Variants in XIRP2 observed in about 807,000 individuals in gnomAD.
XIRP2 encodes the protein xin actin binding repeat containing 2.
Under a neutral mutation model 277.0 loss-of-function variants are expected in XIRP2, and 236 were observed. The observed-to-expected ratio is 0.85, with a 90% CI of 0.77 to 0.95. The LOEUF (loss-of-function observed/expected upper bound fraction) is 0.95, where lower values mean the gene tolerates loss of function less well. Ranked by LOEUF, XIRP2 falls within the 40% of genes least tolerant of loss-of-function variation. XIRP2 has a pLI of 0.00. For synonymous variants in XIRP2, 1,490 were observed against 1,416.5 expected (o/e 1.05, Z -1.17); for missense variants, 4,640 against 4,157.5 (o/e 1.12, Z -3.19).
intron 2 of XIRP2, among the ~76,000 whole-genome samples, chr2:166,921,492 C>T (rs1006947216): frequency 3.3e-5 from 5 of 152,076 alleles, no homozygotes; most frequent in Admixed American, 6.6e-5. Context: ...TTACATACAT[C>T]GCTCCATCAT....
chr2:167,245,102 T>TA lies in XIRP2; in HGVS notation c.3713dup (p.Asn1238LysfsTer3). On this transcript the variant is annotated frameshift_variant, in exon 9 of 11. Transcript: ENST00000409195. LOFTEE classifies it high-confidence loss of function. Reference sequence around the variant, plus strand: ...GAAGATATTCAGAAAGGCAATGTTTTAAATTGTAGGTGGCTTTTTGAAAAC... The same window carrying TA: ...GAAGATATTCAGAAAGGCAATGTTTTAAAATTGTAGGTGGCTTTTTGAAAAC... 6.2e-7 allele frequency: 1 copy of TA among 1,610,282 alleles called. No homozygotes were observed. Among genetic ancestry groups the TA allele is most frequent in the Non-Finnish European group, 8.5e-7 (1 of 1,178,938 alleles).
Position 167,241,907 on chromosome 2 carries a change from T to G in XIRP2, c.1173T>G (p.Ile391Met). 1 of 1,611,274 alleles carries G rather than the reference T, an allele frequency of 6.2e-7. No homozygotes were observed. The highest frequency in any genetic ancestry group is 2.2e-5 in the East Asian group (1 of 44,770). The change falls in exon 8 of 11, where the codon ATT becomes ATG. Residue 391 changes from isoleucine (I) to methionine (M), a missense_variant. Ile to Met is a conservative substitution (Grantham distance 10). Coordinates refer to ENST00000409195, the MANE Select transcript of XIRP2 (RefSeq NM_152381.6). ...DKEMTTPAKQIKTESEYEETF... is the reference protein window; with the variant it reads ...DKEMTTPAKQMKTESEYEETF... The stretch of plus-strand genomic sequence containing the variant: ...AGATGACAACCCCAGCCAAGCAGAT[T>G]AAGGTAAAGTCATTTCTTTACACAG...
At chr2:167,120,036 G>C (rs1057012184) in intron 2 of XIRP2, among the ~76,000 whole-genome samples, 2 of 152,090 alleles carry the variant, frequency 1.3e-5, no homozygotes, top group African/African-American at 2.4e-5. Flanking sequence ...AGAAATCATA[G>C]AGCGCTAGTA....
chr2:167,079,825 C>T (rs368041457), intron 2 of XIRP2, among the ~76,000 whole-genome samples: 14 of 152,014 alleles, frequency 9.2e-5, no homozygotes, highest in African/African-American at 2.9e-4. Flanking sequence ...TTTTGAGTCT[C>T]AATTTCATTC....
intron 2 of XIRP2, among the ~76,000 whole-genome samples, chr2:167,085,428 G>C (rs1304053485): frequency 6.6e-6 from 1 of 150,876 alleles, no homozygotes; most frequent in Non-Finnish European, 1.5e-5. Flanking sequence ...TGTTGATTTG[G>C]GGTGGAGAGT....
chr2:167,245,687 A>T lies in XIRP2; in HGVS notation c.4295A>T (p.Lys1432Met). The T allele has an allele frequency of 6.2e-7, 1 of 1,613,586 alleles. No individual in the cohort carries two copies. The highest frequency in any genetic ancestry group is 2.2e-5 in the East Asian group (1 of 44,814). Reference sequence around the variant, plus strand: ...TTCTTTGAGTCTGAAAATTTTGATAAGAATAACTATATACGAACAGTAAGT... The same window carrying T: ...TTCTTTGAGTCTGAAAATTTTGATATGAATAACTATATACGAACAGTAAGT... The part of the protein sequence containing the change: ...RQFFESENFD[K>M]NNYIRTVSVN... The change falls in exon 9 of 11, where the codon AAG becomes ATG. Residue 1432 changes from lysine to methionine, a missense_variant. By Grantham distance (95) the Lys-to-Met change is moderately conservative. Transcript: ENST00000409195.
chr2:166,964,215 C>A (rs1041100554), intron 2 of XIRP2, among the ~76,000 whole-genome samples: 3 of 151,776 alleles, frequency 2.0e-5, no homozygotes, highest in African/African-American at 7.3e-5. Flanking sequence ...GCAGCTGGTT[C>A]AGATTGACAT....
chr2:167,176,730 CA>C (rs1270798040), intron 3 of XIRP2, among the ~76,000 whole-genome samples: 1 of 152,100 alleles, frequency 6.6e-6, no homozygotes, highest in Non-Finnish European at 1.5e-5. Context: ...AGCTATGTAT[CA>C]GTTCTATGAT....
chr2:167,185,295 G>A (rs1693123415), intron 3 of XIRP2, among the ~76,000 whole-genome samples: 1 of 151,852 alleles, frequency 6.6e-6, no homozygotes, highest in African/African-American at 2.4e-5. Context: ...TTCCACCAAG[G>A]TTTCTTTTCC....
chr2:167,177,132 T>A (rs1692871055), intron 3 of XIRP2, among the ~76,000 whole-genome samples: 1 of 152,218 alleles, frequency 6.6e-6, no homozygotes, highest in South Asian at 2.1e-4. Context: ...CAAATCTACT[T>A]TTAAGAATAA....
intron 2 of XIRP2, among the ~76,000 whole-genome samples, chr2:166,986,074 C>T (rs938555067): frequency 1.3e-5 from 2 of 152,244 alleles, no homozygotes; most frequent in African/African-American, 2.4e-5. Context: ...TTTGCAAGAC[C>T]GCCTAGCTGC....
intron 2 of XIRP2, among the ~76,000 whole-genome samples, chr2:166,937,622 G>A (rs561452698): frequency 6.6e-6 from 1 of 152,056 alleles, no homozygotes; most frequent in African/African-American, 2.4e-5. Context: ...AATGAGTTAG[G>A]GAGGATTCCC....
intron 2 of XIRP2, among the ~76,000 whole-genome samples, chr2:167,088,196 G>C (rs1463559103): frequency 6.6e-6 from 1 of 151,994 alleles, no homozygotes; most frequent in Admixed American, 6.5e-5. Flanking sequence ...TCTGGGACTT[G>C]GTCTGCAGCA....
chr2:167,242,457 C>G, intron 8 of XIRP2, 112 bp from the exon 9 acceptor site: 1 of 1,104,802 alleles, frequency 9.1e-7, no homozygotes, highest in Non-Finnish European at 1.3e-6. Flanking sequence ...CATATTGTTC[C>G]CAATGGAGAT....
intron 2 of XIRP2, among the ~76,000 whole-genome samples, chr2:167,083,680 C>A (rs1236520874): frequency 2.0e-5 from 3 of 152,086 alleles, no homozygotes; most frequent in Non-Finnish European, 2.9e-5. Context: ...AGTTGGATTC[C>A]TAGGTATTTT....
intron 3 of XIRP2, among the ~76,000 whole-genome samples, chr2:167,150,222 C>T (rs1691976262): frequency 1.3e-5 from 2 of 151,782 alleles, no homozygotes; most frequent in South Asian, 4.2e-4. Flanking sequence ...ATAACTTTTC[C>T]CATCAGAATG....
intron 2 of XIRP2, among the ~76,000 whole-genome samples, chr2:167,044,506 T>C (rs7586191): frequency 0.017 from 2,622 of 152,176 alleles, 30 homozygotes; most frequent in African/African-American, 0.028. Context: ...GATGATATGA[T>C]TCTATGTCCA....
chr2:167,248,019 G>A lies in XIRP2; in HGVS notation c.6627G>A (p.Met2209Ile), dbSNP rs562247539. 6.2e-7 allele frequency: 1 copy of A among 1,613,430 alleles called. No homozygotes were observed. Among genetic ancestry groups the A allele is most frequent in the East Asian group, 2.2e-5 (1 of 44,818 alleles). Residue 2209 changes from methionine (M) to isoleucine (I), a missense_variant, in exon 9 of 11, where the codon ATG becomes ATA. Transcript: ENST00000409195. ...AAAAGAATATAAACCTTCAACCAAT[G>A]TGGCAGCTTTTGCCTGTAGAGCAAG... ...IKKKNINLQP[M>I]WQLLPVEQDT...
intron 2 of XIRP2, among the ~76,000 whole-genome samples, chr2:166,970,123 T>G (rs1360433557): frequency 6.6e-6 from 1 of 152,024 alleles, no homozygotes; most frequent in Non-Finnish European, 1.5e-5. Context: ...AATATTTATT[T>G]TGAAGAGCAT....
Sources: gnomAD v4.1 joint callset for allele counts (sites outside exome capture counted in the v4.1 genomes callset) on GRCh38, gnomAD v4.1.1 for gene constraint, MANE v1.5 for transcripts, NCBI Gene and HGNC (gene_info 2026-07-23, HGNC 2026-07-21) for gene names.